The following MIGA2 variants were observed in gnomAD, a reference collection of about 807,000 sequenced individuals.
MIGA2 encodes family with sequence similarity 73, member B.
A neutral mutation model predicts 69.9 loss-of-function variants in MIGA2; 36 were observed. The observed-to-expected ratio is 0.52, with a 90% CI of 0.39 to 0.68. The LOEUF is 0.68. Ranked by LOEUF, MIGA2 falls within the 30% of genes least tolerant of loss-of-function variation. MIGA2 has a pLI of 0.00. For synonymous variants in MIGA2, 333 were observed against 349.2 expected (o/e 0.95, Z 0.52); for missense variants, 660 against 787.7 (o/e 0.84, Z 1.94).
chr9:129,063,157 C>T, intron 9 of MIGA2, 87 bp from the exon 10 acceptor site: 2 of 1,395,764 alleles, frequency 1.4e-6, no homozygotes, highest in African/African-American at 1.4e-5. Flanking sequence ...CCAGAGCCTC[C>T]CCCCTCCCCA....
In MIGA2 at chr9:129,061,241, C is replaced by T. The variant is rs765273969; in HGVS notation, c.905C>T (p.Ser302Phe). Residue 302 changes from serine to phenylalanine, a missense_variant, in exon 9 of 16, where the codon TCC becomes TTC. Coordinates refer to ENST00000684074, the MANE Select transcript of MIGA2 (RefSeq NM_001329990.2). The surrounding 1 kb of genome is among the most constrained non-coding windows in gnomAD (Gnocchi z 5.0). ...TGCACCCTCTCCCAGCTCTTTGAGT[C>T]CCTGCAGACTGGAGATTACCCGATC... ...SFFSATELFE[S>F]LQTGDYPIPL... The T allele has an allele frequency of 1.3e-5, 21 of 1,611,104 alleles. No homozygotes were observed. The highest frequency in any genetic ancestry group is 8.4e-5 in the Admixed American group (5 of 59,770).
intron 3 of MIGA2, among the ~76,000 whole-genome samples, chr9:129,043,474 C>G (rs1021702606): frequency 5.3e-5 from 8 of 150,680 alleles, no homozygotes; most frequent in Admixed American, 1.3e-4. Flanking sequence ...GCAGCCTCGG[C>G]CTCTTAGGTT....
rs1435934329 is a variant in MIGA2 at position 129,066,670 on chromosome 9, AAAAG to A, written c.1171-1098_1171-1095del. On this transcript the variant is annotated intron_variant, in intron 11 of 15. Coordinates refer to ENST00000684074, the MANE Select transcript of MIGA2 (RefSeq NM_001329990.2). The stretch of plus-strand genomic sequence containing the variant: ...GCCTGGGCGACCAAAAAAAAAAAAA[AAAAG>A]AAAGGCTGGGCGTAGTGGCTCATGC... 8.3e-5 allele frequency among the ~76,000 whole-genome samples: 12 copies of A among 145,252 alleles called. No homozygotes were observed. The South Asian group carries it at 1.5e-3, about 18-fold the overall frequency.
intron 4 of MIGA2, 100 bp from the exon 5 acceptor site, chr9:129,049,281 G>C: frequency 9.1e-7 from 1 of 1,102,084 alleles, no homozygotes; most frequent in Admixed American, 2.0e-5. Context: ...TTTGGAGGGG[G>C]CGTGTGGCCC....
intron 6 of MIGA2, among the ~76,000 whole-genome samples, chr9:129,051,587 T>G (rs912897508): frequency 2.6e-5 from 4 of 151,068 alleles, no homozygotes; most frequent in African/African-American, 9.7e-5. Context: ...ATTTATTTAT[T>G]TATTTATTAT....
In MIGA2 at chr9:129,059,363, A is replaced by G. The variant is rs1216200617; in HGVS notation, c.793+92A>G. 4.2e-6 allele frequency: 4 copies of G among 952,332 alleles called. No individual in the cohort carries two copies. Among genetic ancestry groups the G allele is most frequent in the Admixed American group, 4.3e-5 (2 of 46,116 alleles). 59.0% of individuals were successfully genotyped at this position (952,332 alleles called of 1,614,324 possible). A position where few individuals can be genotyped will look rare whatever the true frequency, so the allele number is the denominator to read the frequency against. On this transcript the variant is annotated intron_variant, in intron 7 of 15. Coordinates refer to ENST00000684074, the MANE Select transcript of MIGA2 (RefSeq NM_001329990.2). The surrounding 1 kb of genome is among the most constrained non-coding windows in gnomAD (Gnocchi z 5.6). ...GCGAGAACCGGGTCGTGGTTCTCTC[A>G]GTGCGTCCAATGAATCAGAATCCCC...
Position 129,068,022 on chromosome 9 carries a change from AAGGCAG to A in MIGA2, c.1269+155_1269+160del. On this transcript the variant is annotated intron_variant, in intron 12 of 15. Transcript: ENST00000684074. This position sits in a 1 kb window ranked among gnomAD's most constrained non-coding sequence, Gnocchi z 4.1. ...CCCGGTTCCTGCCCTGCCCCAGGCC[AAGGCAG>A]AGGGAGGAATGGCCTCAGCTACACC... is the stretch of plus-strand genomic sequence containing the variant. 7.9e-7 allele frequency: 1 copy of A among 1,269,364 alleles called. No individual in the cohort carries two copies. Among genetic ancestry groups the A allele is most frequent in the Non-Finnish European group, 1.1e-6 (1 of 895,138 alleles). 78.6% of individuals were successfully genotyped at this position (1,269,364 alleles called of 1,614,324 possible).
At position 129,049,840 on chromosome 9, in the gene MIGA2, T is replaced by G; in HGVS notation, c.552T>G (p.Phe184Leu). ...ACCTGTGCTCAGGCATGGAGCTGTTTGAGGAAGCTCTGCAGAAGTGGGAGC... is the reference window on the plus strand; with the variant it reads ...ACCTGTGCTCAGGCATGGAGCTGTTGGAGGAAGCTCTGCAGAAGTGGGAGC... ...ESLYMQGMEL[F>L]EEALQKWEQA... The change falls in exon 6 of 16, where the codon TTT (phenylalanine) becomes TTG (leucine). Residue 184 changes from phenylalanine (F) to leucine (L), a missense_variant. Phe to Leu is a conservative substitution (Grantham distance 22). This residue lies in a region of MIGA2 where 386 missense variants were observed against 402.0 expected (regional missense o/e 0.96). Coordinates refer to ENST00000684074, the MANE Select transcript of MIGA2 (RefSeq NM_001329990.2). The G allele has an allele frequency of 6.2e-7, 1 of 1,614,082 alleles. No individual in the cohort carries two copies. The highest frequency in any genetic ancestry group is 8.5e-7 in the Non-Finnish European group (1 of 1,180,036).
At position 129,061,384 on chromosome 9, in the gene MIGA2, G is replaced by T; in HGVS notation, c.1010+38G>T. On this transcript the variant is annotated intron_variant, in intron 9 of 15. Transcript: ENST00000684074. This position sits in a 1 kb window ranked among gnomAD's most constrained non-coding sequence, Gnocchi z 5.0. The stretch of plus-strand genomic sequence containing the variant: ...GGAGGGAGGGAGGGAGGGAGCAGGA[G>T]GCGATGGGTGATTCTGGCCCTTGCG... The T allele has an allele frequency of 6.5e-7, 1 of 1,534,548 alleles. No individual in the cohort carries two copies. The highest frequency in any genetic ancestry group is 8.9e-7 in the Non-Finnish European group (1 of 1,122,378).
chr9:129,041,489 G>A (rs1302133366), intron 2 of MIGA2, among the ~76,000 whole-genome samples: 1 of 151,770 alleles, frequency 6.6e-6, no homozygotes, highest in Non-Finnish European at 1.5e-5. Flanking sequence ...GTAAGACTCC[G>A]TCTCAAAAAA....
intron 5 of MIGA2, 41 bp from the exon 6 acceptor site, chr9:129,049,786 T>C (rs750629239): frequency 1.2e-6 from 2 of 1,612,392 alleles, no homozygotes; most frequent in South Asian, 1.1e-5. Flanking sequence ...GGTGAGACTG[T>C]GGAGGTGCTG....
At position 129,069,413 on chromosome 9, in the gene MIGA2, T is replaced by C. The variant is rs1846546487; in HGVS notation, c.1458+284T>C. 2 of 553,104 alleles carry C rather than the reference T, an allele frequency of 3.6e-6. No homozygotes were observed. Among genetic ancestry groups the C allele is most frequent in the South Asian group, 4.3e-5 (2 of 46,206 alleles). 34.3% of individuals were successfully genotyped at this position (553,104 alleles called of 1,614,324 possible). On this transcript the variant is annotated intron_variant, in intron 14 of 15. Coordinates refer to ENST00000684074, the MANE Select transcript of MIGA2 (RefSeq NM_001329990.2). The surrounding 1 kb of genome is among the most constrained non-coding windows in gnomAD (Gnocchi z 4.9). The stretch of plus-strand genomic sequence containing the variant: ...GCTGGCAGCTGGCCTGGTGCAGGCG[T>C]CTCGGTGGGGGCAGGATACCCAGGA...
At position 129,068,069 on chromosome 9, in the gene MIGA2, C is replaced by T. The variant is rs901014318; in HGVS notation, c.1270-129C>T. On this transcript the variant is annotated intron_variant, in intron 12 of 15. Transcript: ENST00000684074. The surrounding 1 kb of genome is among the most constrained non-coding windows in gnomAD (Gnocchi z 4.1). ...CAGCTACACCCGTTGCACAGCAGAG[C>T]GGGAAAGACGTGTCCCCCCCACGTG... is the stretch of plus-strand genomic sequence containing the variant. 16 of 1,392,588 alleles carry T rather than the reference C, an allele frequency of 1.1e-5. No individual in the cohort carries two copies. The highest frequency in any genetic ancestry group is 7.1e-5 in the African/African-American group (5 of 70,590). 86.3% of individuals were successfully genotyped at this position (1,392,588 alleles called of 1,614,324 possible). A position where few individuals can be genotyped will look rare whatever the true frequency, so the allele number is the denominator to read the frequency against.
chr9:129,044,831 T>A (rs903998317), intron 3 of MIGA2, among the ~76,000 whole-genome samples: 2 of 148,722 alleles, frequency 1.3e-5, no homozygotes, highest in Admixed American at 1.3e-4. Context: ...CCTCAAGAGA[T>A]CTTCCCGCCT....
chr9:129,054,982 C>T (rs182802991), intron 6 of MIGA2, among the ~76,000 whole-genome samples: 1 of 152,126 alleles, frequency 6.6e-6, no homozygotes, highest in South Asian at 2.1e-4. Flanking sequence ...ACCTCCACCC[C>T]CCAGGTTCAA....
At position 129,070,620 on chromosome 9, in the gene MIGA2, T is replaced by A. The variant is rs929313050; in HGVS notation, c.*167T>A. 1.4e-6 allele frequency: 1 copy of A among 735,030 alleles called. No individual in the cohort carries two copies. The highest frequency in any genetic ancestry group is 2.7e-5 in the East Asian group (1 of 36,538). The allele number at this position is 735,030 out of a possible 1,614,324, so 45.5% of individuals were successfully genotyped here. ...GGACATTTCCATGGAGAAGAACGGT[T>A]CCTGGGGGAAGCAGAGGCCAGGACC... On this transcript the variant is annotated 3_prime_UTR_variant, in exon 16 of 16. Coordinates refer to ENST00000684074, the MANE Select transcript of MIGA2 (RefSeq NM_001329990.2).
In MIGA2 at chr9:129,043,189, G is replaced by A. The variant is rs1369120424; in HGVS notation, c.307+675G>A. ...AGCCTGGGTGACAGAGCGAGACTCC[G>A]TCTCAAAAAAAAAAAAAATTTGAGG... On this transcript the variant is annotated intron_variant, in intron 3 of 15. Coordinates refer to ENST00000684074, the MANE Select transcript of MIGA2 (RefSeq NM_001329990.2). 8.1e-5 allele frequency among the ~76,000 whole-genome samples: 12 copies of A among 148,294 alleles called. No individual in the cohort carries two copies. In the East Asian group the frequency reaches 1.0e-3, roughly 13 times the overall value.
chr9:129,054,098 G>T (rs1211542993), intron 6 of MIGA2, among the ~76,000 whole-genome samples: 1 of 152,084 alleles, frequency 6.6e-6, no homozygotes, highest in African/African-American at 2.4e-5. Flanking sequence ...GTAGCTTTTG[G>T]TATATTCACA....
intron 10 of MIGA2, 88 bp downstream of exon 10, chr9:129,063,404 GT>G: frequency 6.4e-7 from 1 of 1,568,556 alleles, no homozygotes; most frequent in Non-Finnish European, 8.7e-7. Context: ...TGGCCTCCTG[GT>G]CCCTGGCCAG....
Sources: allele counts gnomAD v4.1 joint callset (sites outside exome capture counted in the v4.1 genomes callset), GRCh38; gene constraint gnomAD v4.1.1; regional missense constraint gnomAD v4.1.1; non-coding constraint Gnocchi (gnomAD v3.1); transcripts MANE v1.5; gene names NCBI Gene and HGNC (gene_info 2026-07-23, HGNC 2026-07-21).